The following OTUD7A variants were observed in gnomAD, a reference collection of about 807,000 sequenced individuals.
The protein encoded by OTUD7A is OTU domain-containing protein 7A.
A neutral mutation model predicts 65.7 loss-of-function variants in OTUD7A; 12 were observed. That is an observed-to-expected ratio of 0.18 (90% CI 0.12 to 0.30). The LOEUF (loss-of-function observed/expected upper bound fraction) is 0.30, where lower values mean the gene tolerates loss of function less well. OTUD7A is among the 10% of genes least tolerant of loss of function. The pLI is 1.00. For synonymous variants in OTUD7A, 641 were observed against 586.3 expected, an observed-to-expected ratio of 1.09 and a Z score of -1.35; for missense variants, 1,148 against 1,304.8, an observed-to-expected ratio of 0.88 and a Z score of 1.85.
At chr15:31,759,417 C>T (rs1894900301) in intron 1 of OTUD7A, among the ~76,000 whole-genome samples, 1 of 152,238 alleles carries the variant, frequency 6.6e-6, no homozygotes, top group Non-Finnish European at 1.5e-5. Context: ...CATGAGTCTG[C>T]CCTTCTCAGG....
chr15:31,728,067 A>G (rs1267642029), intron 1 of OTUD7A, among the ~76,000 whole-genome samples: 1 of 152,202 alleles, frequency 6.6e-6, no homozygotes, highest in Non-Finnish European at 1.5e-5. Context: ...CTGACCACTT[A>G]GTCTCCACTT....
rs1483793503 is a variant in OTUD7A, at chr15:31,487,239, G to A, written c.1326C>T (p.His442=). The stretch of plus-strand genomic sequence containing the variant: ...GGATCCACGTCACGTTCATGTAGCT[G>A]TGCAGAAGGTTCAGCTTGGCTTCTA... The part of the protein sequence containing the change: ...LSLEAKLNLL[H]SYMNVTWIRI... The change falls in exon 12 of 13, where the codon CAC becomes CAT. Residue 442 remains histidine (H), a synonymous_variant. Coordinates refer to ENST00000307050, the MANE Select transcript of OTUD7A (RefSeq NM_001382637.1). The surrounding 1 kb of genome is among the most constrained non-coding windows in gnomAD (Gnocchi z 6.0). 1 of 1,614,138 alleles carries A rather than the reference G, an allele frequency of 6.2e-7. No individual in the cohort carries two copies. Among genetic ancestry groups the A allele is most frequent in the Non-Finnish European group, 8.5e-7 (1 of 1,180,024 alleles).
chr15:31,755,817 T>C (rs1296047445), intron 1 of OTUD7A, among the ~76,000 whole-genome samples: 1 of 152,242 alleles, frequency 6.6e-6, no homozygotes, highest in Non-Finnish European at 1.5e-5. Flanking sequence ...CTTCGAGCTT[T>C]GGCCTTGCCT....
At chr15:31,834,522 C>A (rs1472650584) in intron 1 of OTUD7A, among the ~76,000 whole-genome samples, 2 of 152,232 alleles carry the variant, frequency 1.3e-5, no homozygotes, top group Non-Finnish European at 2.9e-5. Flanking sequence ...ATTCTAGCCA[C>A]ATAAGCCAGT....
At chr15:31,590,940 T>C (rs1279289013) in intron 3 of OTUD7A, among the ~76,000 whole-genome samples, 2 of 152,100 alleles carry the variant, frequency 1.3e-5, no homozygotes, top group African/African-American at 4.8e-5. Flanking sequence ...AGCATGGATA[T>C]GAATAAAGAT....
chr15:31,662,095 T>C (rs1892181366), intron 1 of OTUD7A, among the ~76,000 whole-genome samples: 1 of 152,228 alleles, frequency 6.6e-6, no homozygotes, highest in African/African-American at 2.4e-5. Context: ...CTTCCATCAG[T>C]TGGCACTGAG....
At position 31,481,071 on chromosome 15, in the gene OTUD7A, A is replaced by AT. The variant is rs1257777769; in HGVS notation, c.*2222dup. 1 of 152,118 alleles carries AT rather than the reference A, an allele frequency of 6.6e-6. No individual in the cohort carries two copies. The highest frequency in any genetic ancestry group is 1.5e-5 in the Non-Finnish European group (1 of 68,006). The allele number at this position is 152,118 out of a possible 1,614,324, so 9.4% of individuals were successfully genotyped here. On this transcript the variant is annotated 3_prime_UTR_variant, in exon 13 of 13. Transcript: ENST00000307050. ...GGTTTTTATTCTGTTTTATTTTTTT[A>AT]TTTTTTAAATTAGACAAACCTGGCA... is the stretch of plus-strand genomic sequence containing the variant.
chr15:31,655,902 A>G (rs2141278763), intron 2 of OTUD7A, among the ~76,000 whole-genome samples: 1 of 152,272 alleles, frequency 6.6e-6, no homozygotes, highest in Non-Finnish European at 1.5e-5. Context: ...TACTTCCACA[A>G]TGTGATGAAT....
At chr15:31,573,906 T>C (rs1262156629) in intron 3 of OTUD7A, among the ~76,000 whole-genome samples, 3 of 151,656 alleles carry the variant, frequency 2.0e-5, no homozygotes, top group South Asian at 4.2e-4. Flanking sequence ...GTCTCAAACA[T>C]AACAACAACA....
At chr15:31,686,112 C>T (rs1503007) in intron 1 of OTUD7A, among the ~76,000 whole-genome samples, 100,690 of 152,144 alleles carry the variant, frequency 0.66, 36,021 homozygotes, top group South Asian at 0.84. Context: ...TGCTGTTGAA[C>T]CCACACTGGG....
intron 3 of OTUD7A, among the ~76,000 whole-genome samples, chr15:31,571,431 A>C (rs1889050980): frequency 1.3e-5 from 2 of 152,156 alleles, no homozygotes; most frequent in South Asian, 4.1e-4. Context: ...GTCCCTGATG[A>C]AGGAATGCAA....
intron 5 of OTUD7A, among the ~76,000 whole-genome samples, chr15:31,550,680 G>A (rs936029962): frequency 6.6e-6 from 1 of 152,128 alleles, no homozygotes; most frequent in Admixed American, 6.5e-5. Flanking sequence ...GCTGGCCCCC[G>A]GAAGCTGTGG....
chr15:31,613,896 T>C (rs1490603957), intron 3 of OTUD7A, among the ~76,000 whole-genome samples: 1 of 152,132 alleles, frequency 6.6e-6, no homozygotes, highest in Non-Finnish European at 1.5e-5. Context: ...AACCCAAATG[T>C]CCATCAATCA....
At chr15:31,567,419 T>C (rs1186040362) in intron 4 of OTUD7A, among the ~76,000 whole-genome samples, 1 of 152,212 alleles carries the variant, frequency 6.6e-6, no homozygotes, top group Non-Finnish European at 1.5e-5. Context: ...ATTCAGATGC[T>C]GCAGCAAAGA....
chr15:31,605,577 T>G (rs1337534858), intron 3 of OTUD7A, among the ~76,000 whole-genome samples: 1 of 152,218 alleles, frequency 6.6e-6, no homozygotes, highest in Admixed American at 6.5e-5. Context: ...GGCTTCCTAT[T>G]GGGCAAAGCC....
At chr15:31,856,045 T>C (rs1415257769) in intron 1 of OTUD7A, among the ~76,000 whole-genome samples, 1 of 152,246 alleles carries the variant, frequency 6.6e-6, no homozygotes, top group African/African-American at 2.4e-5. Context: ...CAGGCTGGTC[T>C]ACCCAAACCA....
chr15:31,750,983 A>G (rs1446907589), intron 1 of OTUD7A, among the ~76,000 whole-genome samples: 1 of 152,166 alleles, frequency 6.6e-6, no homozygotes, highest in Non-Finnish European at 1.5e-5. Flanking sequence ...CTAGAAGAAA[A>G]CCTAGAAAAT....
At chr15:31,803,424 G>C (rs746346839) in intron 1 of OTUD7A, among the ~76,000 whole-genome samples, 2 of 152,168 alleles carry the variant, frequency 1.3e-5, no homozygotes, top group Non-Finnish European at 2.9e-5. Context: ...CCAAGACACT[G>C]ATGGCTCTGA....
At chr15:31,779,041 G>A (rs1237933725) in intron 1 of OTUD7A, among the ~76,000 whole-genome samples, 2 of 152,104 alleles carry the variant, frequency 1.3e-5, no homozygotes, top group Admixed American at 1.3e-4. Flanking sequence ...ATTATTTTAG[G>A]AATTTTTAAT....
Sources: allele counts gnomAD v4.1 joint callset (sites outside exome capture counted in the v4.1 genomes callset), GRCh38; gene constraint gnomAD v4.1.1; non-coding constraint Gnocchi (gnomAD v3.1); transcripts MANE v1.5; gene names NCBI Gene and HGNC (gene_info 2026-07-23, HGNC 2026-07-21).